Variants in LIN28B observed in about 807,000 individuals in gnomAD.
The protein encoded by LIN28B is protein lin-28 homolog B.
In LIN28B, 5 loss-of-function variants were observed where a neutral mutation model predicts 21.9. That is an observed-to-expected ratio of 0.23 (90% CI 0.12 to 0.48). The LOEUF (loss-of-function observed/expected upper bound fraction) is 0.48. Ranked by LOEUF, LIN28B falls within the 20% of genes least tolerant of loss-of-function variation. The pLI, the probability that LIN28B is intolerant of heterozygous loss-of-function variation, is 0.98. For missense variants in LIN28B, 245 were observed against 310.5 expected (o/e 0.79, Z 1.58); for synonymous variants, 109 against 111.3 (o/e 0.98, Z 0.13).
intron 2 of LIN28B, among the ~76,000 whole-genome samples, chr6:104,944,857 C>T (rs1424965127): frequency 2.0e-5 from 3 of 152,062 alleles, no homozygotes; most frequent in Non-Finnish European, 4.4e-5. Context: ...GCATGCAGCT[C>T]ATTTTCAAGC....
intron 2 of LIN28B, among the ~76,000 whole-genome samples, chr6:105,009,059 G>A (rs944466694): frequency 6.6e-6 from 1 of 152,016 alleles, no homozygotes; most frequent in Admixed American, 6.6e-5. Context: ...CTCTTTTATG[G>A]TTTTTTTGTG....
intron 2 of LIN28B, chr6:104,950,380 C>A: frequency 1.3e-6 from 1 of 754,546 alleles, no homozygotes. Flanking sequence ...CATTTTATTG[C>A]TTTCTAATGG....
intron 2 of LIN28B, among the ~76,000 whole-genome samples, chr6:104,971,466 G>A (rs1769983531): frequency 6.6e-6 from 1 of 152,120 alleles, no homozygotes; most frequent in Admixed American, 6.5e-5. Context: ...CTTTTAGGAT[G>A]AATAATGAGA....
chr6:104,941,386 C>G (rs1778089396), intron 2 of LIN28B: 1 of 144,100 alleles, frequency 6.9e-6, no homozygotes, highest in Admixed American at 7.0e-5. Context: ...GTTGCCACAG[C>G]GGCCGCCCAG....
chr6:104,937,672 C>T (rs1205090126), intron 2 of LIN28B, among the ~76,000 whole-genome samples: 1 of 152,010 alleles, frequency 6.6e-6, no homozygotes, highest in East Asian at 1.9e-4. Context: ...TGACGTGATG[C>T]CTGGGGTTTG....
At chr6:105,076,724 C>T (rs1335911117) in intron 3 of LIN28B, among the ~76,000 whole-genome samples, 7 of 151,862 alleles carry the variant, frequency 4.6e-5, no homozygotes, top group Non-Finnish European at 1.0e-4. Flanking sequence ...TCTGCCTCAG[C>T]CTCCCGAGTA....
At chr6:105,009,705 A>G (rs1254689129) in intron 2 of LIN28B, among the ~76,000 whole-genome samples, 1 of 152,308 alleles carries the variant, frequency 6.6e-6, no homozygotes, top group East Asian at 1.9e-4. Flanking sequence ...TGGAGGAAAG[A>G]ATCAAATATA....
intron 2 of LIN28B, among the ~76,000 whole-genome samples, chr6:104,999,809 T>C (rs1324548869): frequency 1.3e-5 from 2 of 151,838 alleles, no homozygotes; most frequent in Non-Finnish European, 2.9e-5. Flanking sequence ...GCCCCCGGAG[T>C]AGCTGGGACT....
chr6:105,056,296 A>C (rs1017890460), intron 3 of LIN28B, among the ~76,000 whole-genome samples: 1 of 151,426 alleles, frequency 6.6e-6, no homozygotes, highest in African/African-American at 2.4e-5. Flanking sequence ...GGGCTGATAG[A>C]TTGTAGGGAG....
At chr6:105,022,127 A>T (rs1036040663) in intron 2 of LIN28B, among the ~76,000 whole-genome samples, 1 of 151,644 alleles carries the variant, frequency 6.6e-6, no homozygotes, top group Non-Finnish European at 1.5e-5. Flanking sequence ...GAGACAAGGG[A>T]CTTAACAGGC....
Position 105,007,531 on chromosome 6 carries a change from C to CT in LIN28B, c.199-18754dup, listed in dbSNP as rs781241068. On this transcript the variant is annotated intron_variant, in intron 2 of 3. Transcript: ENST00000345080. Reference sequence around the variant, plus strand: ...AGCATATATATTTTTAAATATATCTCTTTTTTTTTTTTTAAGAGTGTCTCG... The same window carrying CT: ...AGCATATATATTTTTAAATATATCTCTTTTTTTTTTTTTTAAGAGTGTCTCG... Among the ~76,000 whole-genome samples the CT allele has an allele frequency of 4.7e-3, 681 of 143,672 alleles. 6 individuals are homozygous for CT. Among genetic ancestry groups the CT allele is most frequent in the East Asian group, 9.6e-3 (48 of 4,992 alleles). The allele number at this position is 143,672 out of a possible 152,430, so 94.3% of individuals were successfully genotyped here.
chr6:104,984,356 C>A (rs1170209622), intron 2 of LIN28B, among the ~76,000 whole-genome samples: 1 of 152,132 alleles, frequency 6.6e-6, no homozygotes, highest in East Asian at 1.9e-4. Context: ...TCTGTGTAGC[C>A]AATTGATTCT....
rs1206165065 is a variant in LIN28B, at chr6:105,026,222, A to G, written c.199-76A>G. The G allele has an allele frequency of 2.4e-5, 18 of 763,652 alleles. No individual in the cohort carries two copies. In the Admixed American group the frequency reaches 5.0e-4, roughly 21 times the overall value. 47.3% of individuals were successfully genotyped at this position (763,652 alleles called of 1,614,324 possible). On this transcript the variant is annotated intron_variant, in intron 2 of 3. Coordinates refer to ENST00000345080, the MANE Select transcript of LIN28B (RefSeq NM_001004317.4). ...TGACAGAGTATCTTTCTTTTTTAAA[A>G]TTATAGAGATAATTTATAAAGCAAT... is the stretch of plus-strand genomic sequence containing the variant.
intron 2 of LIN28B, among the ~76,000 whole-genome samples, chr6:104,961,284 C>T (rs1769732669): frequency 6.6e-6 from 1 of 151,976 alleles, no homozygotes. Flanking sequence ...TAAAATAGGA[C>T]AATTTTGATG....
At chr6:105,033,291 T>A (rs1045844434) in intron 3 of LIN28B, among the ~76,000 whole-genome samples, 2 of 152,156 alleles carry the variant, frequency 1.3e-5, no homozygotes, top group African/African-American at 4.8e-5. Context: ...GGTATTAATA[T>A]GTTTAACAAA....
chr6:104,967,873 AT>A (rs1273884650), intron 2 of LIN28B, among the ~76,000 whole-genome samples: 3 of 151,906 alleles, frequency 2.0e-5, no homozygotes, highest in African/African-American at 7.3e-5. Context: ...AATTTTTAAA[AT>A]TTTTTGTAGA....
upstream of LIN28B, among the ~76,000 whole-genome samples, chr6:104,953,597 G>C (rs1156727749): frequency 6.6e-6 from 1 of 152,226 alleles, no homozygotes; most frequent in African/African-American, 2.4e-5. Flanking sequence ...CTTAGGGAGA[G>C]GAGATGGTAA....
intron 3 of LIN28B, among the ~76,000 whole-genome samples, chr6:105,030,882 C>A (rs1487056771): frequency 2.0e-5 from 3 of 152,084 alleles, no homozygotes; most frequent in Non-Finnish European, 4.4e-5. Context: ...AGCTACTGCA[C>A]CCTGCCTCTT....
At chr6:105,051,762 T>G (rs1004988531) in intron 3 of LIN28B, among the ~76,000 whole-genome samples, 1 of 152,166 alleles carries the variant, frequency 6.6e-6, no homozygotes, top group African/African-American at 2.4e-5. Context: ...TTTACCAATT[T>G]TTGTTGAGTA....
Sources: allele counts gnomAD v4.1 joint callset (sites outside exome capture counted in the v4.1 genomes callset), GRCh38; gene constraint gnomAD v4.1.1; transcripts MANE v1.5; gene names NCBI Gene and HGNC (gene_info 2026-07-23, HGNC 2026-07-21).